GTSE1: variants seen among roughly 807,000 people sequenced by gnomAD.
GTSE1 encodes G2 and S-phase expressed 1.
In GTSE1, 52 loss-of-function variants were observed where a neutral mutation model predicts 60.5. The ratio of observed to expected loss-of-function variants is 0.86; its 90% CI spans 0.69 to 1.08. The LOEUF is 1.08. Ranked by LOEUF, GTSE1 falls within the 50% of genes least tolerant of loss-of-function variation. GTSE1 has a pLI of 0.00. For missense variants in GTSE1, 937 were observed against 961.8 expected (o/e 0.97, Z 0.34); for synonymous variants, 368 against 386.5 (o/e 0.95, Z 0.56).
At chr22:46,301,393 T>C (rs1250691331) in intron 2 of GTSE1, among the ~76,000 whole-genome samples, 1 of 152,308 alleles carries the variant, frequency 6.6e-6, no homozygotes, top group East Asian at 1.9e-4. Flanking sequence ...AAATTGTCTC[T>C]TTCCCCACAA....
intron 8 of GTSE1, 118 bp downstream of exon 8, chr22:46,323,380 C>T: frequency 1.3e-6 from 1 of 793,102 alleles, no homozygotes; most frequent in Non-Finnish European, 2.2e-6. Flanking sequence ...CCACGCCAGT[C>T]TCTTGGGTGC....
chr22:46,328,659 T>C lies in GTSE1; in HGVS notation c.1725-29T>C, dbSNP rs749801311. On this transcript the variant is annotated intron_variant, in intron 9 of 11. Transcript: ENST00000454366. ...AAGTGAACGAGCATTTTAGAGACATTTTCTCATAAGTTTTTTTCCTTCCCA... is the reference window on the plus strand; with the variant it reads ...AAGTGAACGAGCATTTTAGAGACATCTTCTCATAAGTTTTTTTCCTTCCCA... 2.6e-6 allele frequency: 4 copies of C among 1,550,318 alleles called. No individual in the cohort carries two copies. The South Asian group carries it at 4.5e-5, about 17-fold the overall frequency.
At chr22:46,307,794 C>A (rs2077723443) in intron 2 of GTSE1, among the ~76,000 whole-genome samples, 1 of 150,950 alleles carries the variant, frequency 6.6e-6, no homozygotes, top group Non-Finnish European at 1.5e-5. Context: ...AGCCACCGCC[C>A]CCAGCCGGCT....
At position 46,317,901 on chromosome 22, in the gene GTSE1, G is replaced by A. The variant is rs559870816; in HGVS notation, c.1432+1489G>A. Among the ~76,000 whole-genome samples the A allele has an allele frequency of 7.9e-5, 12 of 152,280 alleles. No individual in the cohort carries two copies. Among genetic ancestry groups the A allele is most frequent in the African/African-American group, 1.2e-4 (5 of 41,578 alleles). On this transcript the variant is annotated intron_variant, in intron 7 of 11. Transcript: ENST00000454366. The surrounding 1 kb of genome is among the most constrained non-coding windows in gnomAD (Gnocchi z 5.6). Reference sequence around the variant, plus strand: ...TTTCTCGGCCCTGTGAGCTCCGCTCGTTGCTCCCTGGTAGTTGCTCTTCTC... The same window carrying A: ...TTTCTCGGCCCTGTGAGCTCCGCTCATTGCTCCCTGGTAGTTGCTCTTCTC...
In GTSE1 at chr22:46,323,232, A is replaced by T. The variant is rs1450686738; in HGVS notation, c.1475A>T (p.Gln492Leu). ...DSSTPKLSRAQRPQSCTSVGR... is the reference protein window; with the variant it reads ...DSSTPKLSRALRPQSCTSVGR... ...TCAACACCAAAGCTTTCGCGGGCAC[A>T]GCGGCCGCAGTCGTGCACGTCAGTT... The change falls in exon 8 of 12, where the codon CAG becomes CTG. Residue 492 changes from glutamine (Q) to leucine (L), a missense_variant. Coordinates refer to ENST00000454366, the MANE Select transcript of GTSE1 (RefSeq NM_016426.7). 6.2e-7 allele frequency: 1 copy of T among 1,613,776 alleles called. No homozygotes were observed. The highest frequency in any genetic ancestry group is 2.2e-5 in the East Asian group (1 of 44,900).
At chr22:46,311,353 C>G (rs1009634447) in intron 4 of GTSE1, among the ~76,000 whole-genome samples, 2 of 152,190 alleles carry the variant, frequency 1.3e-5, no homozygotes, top group African/African-American at 2.4e-5. Flanking sequence ...GCTGGGATTA[C>G]AGGCGTGAGC....
chr22:46,308,557 C>A lies in GTSE1; in HGVS notation c.376C>A (p.Pro126Thr). 1 of 1,614,150 alleles carries A rather than the reference C, an allele frequency of 6.2e-7. No individual in the cohort carries two copies. The highest frequency in any genetic ancestry group is 8.5e-7 in the Non-Finnish European group (1 of 1,180,020). The change falls in exon 4 of 12, where the codon CCT becomes ACT. Residue 126 changes from proline (P) to threonine (T), a missense_variant. Pro to Thr is a conservative substitution (Grantham distance 38, BLOSUM62 -1). Transcript: ENST00000454366. ...GAACCAGGCAGCCCAAGCTGCCAAG[C>A]CTGAAGACCCTCGGAGCCAGGGCGT... is the stretch of plus-strand genomic sequence containing the variant. ...SRNQAAQAAK[P>T]EDPRSQGVER...
rs1569039021 is a variant in GTSE1 at position 46,308,679 on chromosome 22, C to T, written c.498C>T (p.Tyr166=). The change falls in exon 4 of 12, where the codon TAC becomes TAT. Residue 166 remains tyrosine (Y), a synonymous_variant. Transcript: ENST00000454366. ...CCACGTCTCTTAAAAGGGAGACATA[C>T]TACCTGTCAGACAGCCCCTTGCTGG... The part of the protein sequence containing the change: ...KSPTSLKRET[Y]YLSDSPLLGP... 6.8e-6 allele frequency: 11 copies of T among 1,614,008 alleles called. No homozygotes were observed. In the South Asian group the frequency reaches 9.9e-5, roughly 14 times the overall value.
chr22:46,313,440 C>T lies in GTSE1; in HGVS notation c.928-450C>T, dbSNP rs1363839613. Among the ~76,000 whole-genome samples, 1 of 152,130 alleles carries T rather than the reference C, an allele frequency of 6.6e-6. No individual in the cohort carries two copies. Among genetic ancestry groups the T allele is most frequent in the African/African-American group, 2.4e-5 (1 of 41,422 alleles). On this transcript the variant is annotated intron_variant, in intron 5 of 11. Coordinates refer to ENST00000454366, the MANE Select transcript of GTSE1 (RefSeq NM_016426.7). The surrounding 1 kb of genome is among the most constrained non-coding windows in gnomAD (Gnocchi z 4.4). ...CTACACTTTGAGAAGTGCTGCTTGACTTTTTTCTTCTTTAAATTCAAGATG... is the reference window on the plus strand; with the variant it reads ...CTACACTTTGAGAAGTGCTGCTTGATTTTTTTCTTCTTTAAATTCAAGATG...
chr22:46,328,971 G>A, intron 10 of GTSE1, 82 bp downstream of exon 10: 1 of 1,122,194 alleles, frequency 8.9e-7, no homozygotes, highest in East Asian at 2.4e-5. Context: ...CCAGGGCTGT[G>A]GCTGGCGGAG....
At chr22:46,322,856 C>T (rs902187946) in intron 7 of GTSE1, among the ~76,000 whole-genome samples, 7 of 152,216 alleles carry the variant, frequency 4.6e-5, no homozygotes, top group African/African-American at 7.2e-5. Flanking sequence ...TCTGACAAGT[C>T]GACTTCGCTC....
rs924054083 is a variant in GTSE1 at position 46,304,333 on chromosome 22, A to G, written c.80-3817A>G. 3.9e-5 allele frequency among the ~76,000 whole-genome samples: 6 copies of G among 152,146 alleles called. No homozygotes were observed. Among genetic ancestry groups the G allele is most frequent in the Admixed American group, 2.0e-4 (3 of 15,274 alleles). ...GGTTGTTACTTCAGCATGTTAGCCTATCCTAACTGGTAAGATCAATTTGTT... is the reference window on the plus strand; with the variant it reads ...GGTTGTTACTTCAGCATGTTAGCCTGTCCTAACTGGTAAGATCAATTTGTT... On this transcript the variant is annotated intron_variant, in intron 2 of 11. Transcript: ENST00000454366. The surrounding 1 kb of genome is among the most constrained non-coding windows in gnomAD (Gnocchi z 4.4).
At chr22:46,322,948 C>T (rs774734062) in intron 7 of GTSE1, among the ~76,000 whole-genome samples, 1 of 152,236 alleles carries the variant, frequency 6.6e-6, no homozygotes, top group Non-Finnish European at 1.5e-5. Context: ...CTTTCTCCCC[C>T]GTGTCCATCC....
In GTSE1 at chr22:46,297,569, C is replaced by T; in HGVS notation, c.79+90C>T. On this transcript the variant is annotated intron_variant, in intron 2 of 11. Coordinates refer to ENST00000454366, the MANE Select transcript of GTSE1 (RefSeq NM_016426.7). The surrounding 1 kb of genome is among the most constrained non-coding windows in gnomAD (Gnocchi z 4.9). ...AATGTTTCCCTGAGAAATTCTTTCT[C>T]AAGTGCTCGACTTGTACTCTGCACC... 1.1e-6 allele frequency: 1 copy of T among 925,048 alleles called. No individual in the cohort carries two copies. Among genetic ancestry groups the T allele is most frequent in the Non-Finnish European group, 1.7e-6 (1 of 580,926 alleles). The allele number at this position is 925,048 out of a possible 1,614,324, so 57.3% of individuals were successfully genotyped here. A position where few individuals can be genotyped will look rare whatever the true frequency, so the allele number is the denominator to read the frequency against.
chr22:46,308,285 T>A (rs746082376), intron 3 of GTSE1, 34 bp from the exon 4 acceptor site: 6 of 1,609,346 alleles, frequency 3.7e-6, no homozygotes, highest in Non-Finnish European at 4.3e-6. Context: ...GCCAGTGTTA[T>A]GAGTTATTAA....
intron 5 of GTSE1, among the ~76,000 whole-genome samples, chr22:46,312,736 C>A (rs9627405): frequency 3.0e-4 from 46 of 152,080 alleles, no homozygotes; most frequent in Middle Eastern, 6.8e-3. Context: ...GCAGTGTGCA[C>A]TGATGGCTAG....
rs2077760971 is a variant in GTSE1, at chr22:46,313,576, T to C, written c.928-314T>C. On this transcript the variant is annotated intron_variant, in intron 5 of 11. Coordinates refer to ENST00000454366, the MANE Select transcript of GTSE1 (RefSeq NM_016426.7). The surrounding 1 kb of genome is among the most constrained non-coding windows in gnomAD (Gnocchi z 4.4). The stretch of plus-strand genomic sequence containing the variant: ...CAGGCTGGAGTGCAATGGCACGAGC[T>C]CAGCTCACTACAACCTCCACCTCCC... Among the ~76,000 whole-genome samples, 1 of 152,232 alleles carries C rather than the reference T, an allele frequency of 6.6e-6. No homozygotes were observed. The highest frequency in any genetic ancestry group is 2.1e-4 in the South Asian group (1 of 4,830).
chr22:46,297,399 C>T lies in GTSE1; in HGVS notation c.-2C>T, dbSNP rs773522606. 2 of 1,611,102 alleles carry T rather than the reference C, an allele frequency of 1.2e-6. No homozygotes were observed. Among genetic ancestry groups the T allele is most frequent in the Admixed American group, 3.3e-5 (2 of 60,020 alleles). On this transcript the variant is annotated 5_prime_UTR_variant, in exon 2 of 12. Transcript: ENST00000454366. This position sits in a 1 kb window ranked among gnomAD's most constrained non-coding sequence, Gnocchi z 4.9. ...CTGCAGTGACTTCTGACAGCTCTCT[C>T]CATGGAAGGAGGCGGCGGCCGCGAT...
In GTSE1 at chr22:46,318,392, G is replaced by A. The variant is rs1397674175; in HGVS notation, c.1432+1980G>A. 6.6e-6 allele frequency among the ~76,000 whole-genome samples: 1 copy of A among 152,166 alleles called. No homozygotes were observed. Among genetic ancestry groups the A allele is most frequent in the South Asian group, 2.1e-4 (1 of 4,832 alleles). Reference sequence around the variant, plus strand: ...TCTGCTGAGTGTCTTCTCTGTGCTGGAATGCTTTGGGGGACAAGGGACATC... The same window carrying A: ...TCTGCTGAGTGTCTTCTCTGTGCTGAAATGCTTTGGGGGACAAGGGACATC... On this transcript the variant is annotated intron_variant, in intron 7 of 11. Transcript: ENST00000454366. This position sits in a 1 kb window ranked among gnomAD's most constrained non-coding sequence, Gnocchi z 4.8.
Sources: allele counts gnomAD v4.1 joint callset (sites outside exome capture counted in the v4.1 genomes callset), GRCh38; gene constraint gnomAD v4.1.1; non-coding constraint Gnocchi (gnomAD v3.1); transcripts MANE v1.5; gene names NCBI Gene and HGNC (gene_info 2026-07-23, HGNC 2026-07-21).